The following NR6A1 variants were observed in gnomAD, a reference collection of about 807,000 sequenced individuals.
The protein encoded by NR6A1 is retinoic acid receptor-related testis-associated receptor.
In NR6A1, 7 loss-of-function variants were observed where a neutral mutation model predicts 59.1. That is an observed-to-expected ratio of 0.12 (90% CI 0.07 to 0.22). NR6A1 has a LOEUF of 0.22. Among genes scored for constraint, NR6A1 ranks in the 10% least tolerant of loss-of-function variants. The probability of loss-of-function intolerance (pLI) is 1.00; values close to 1 mark genes in which losing one functional copy is unlikely to be tolerated. For missense variants in NR6A1, 468 were observed against 611.6 expected (o/e 0.77, Z 2.48); for synonymous variants, 243 against 236.1 (o/e 1.03, Z -0.27).
At chr9:124,739,025 C>A (rs1331978237) in intron 1 of NR6A1, among the ~76,000 whole-genome samples, 3 of 145,864 alleles carry the variant, frequency 2.1e-5, no homozygotes, top group Admixed American at 6.8e-5. Flanking sequence ...TACAAAAATA[C>A]AAAAATTAGC....
At chr9:124,745,987 CAAAAAAAAAAA>C (rs755252377) in intron 1 of NR6A1, among the ~76,000 whole-genome samples, 1 of 58,430 alleles carries the variant, frequency 1.7e-5, no homozygotes, top group Non-Finnish European at 3.9e-5. Flanking sequence ...GACTCTGTCT[CAAAAAAAAAAA>C]AAAAAAAAAA....
chr9:124,528,458 T>C (rs1213980981), intron 7 of NR6A1, among the ~76,000 whole-genome samples: 1 of 152,160 alleles, frequency 6.6e-6, no homozygotes, highest in African/African-American at 2.4e-5. Context: ...CCTAGCACCT[T>C]GGGAGGCTGA....
chr9:124,671,853 C>T (rs1837803177), intron 2 of NR6A1, among the ~76,000 whole-genome samples: 1 of 152,156 alleles, frequency 6.6e-6, no homozygotes, highest in African/African-American at 2.4e-5. Flanking sequence ...GTAAAGTGCA[C>T]ACATCTCAAA....
intron 3 of NR6A1, among the ~76,000 whole-genome samples, chr9:124,552,200 T>C (rs1025369408): frequency 6.6e-6 from 1 of 152,114 alleles, no homozygotes; most frequent in Non-Finnish European, 1.5e-5. Context: ...TTTCATAAGA[T>C]ACTCACAGTG....
chr9:124,650,273 A>G (rs1163451929), intron 2 of NR6A1, among the ~76,000 whole-genome samples: 1 of 152,234 alleles, frequency 6.6e-6, no homozygotes, highest in Non-Finnish European at 1.5e-5. Context: ...ATAAAAAAGA[A>G]TAAAATCCCA....
chr9:124,548,270 C>G (rs765183300), intron 3 of NR6A1, among the ~76,000 whole-genome samples: 31 of 152,146 alleles, frequency 2.0e-4, no homozygotes, highest in Non-Finnish European at 4.1e-4. Context: ...TTTCTGTAAG[C>G]TTGAAATTAT....
At chr9:124,543,376 T>C (rs1365640854) in intron 4 of NR6A1, among the ~76,000 whole-genome samples, 1 of 152,188 alleles carries the variant, frequency 6.6e-6, no homozygotes, top group Non-Finnish European at 1.5e-5. Context: ...AGTAAATGTT[T>C]GTGGGATTGA....
At chr9:124,561,750 A>G (rs1447944165) in intron 2 of NR6A1, among the ~76,000 whole-genome samples, 2 of 152,060 alleles carry the variant, frequency 1.3e-5, no homozygotes, top group East Asian at 1.9e-4. Flanking sequence ...TGTCTCTACT[A>G]AAAATACAAA....
At chr9:124,544,129 ACTAGT>A (rs1262878728) in intron 3 of NR6A1, among the ~76,000 whole-genome samples, 1 of 152,252 alleles carries the variant, frequency 6.6e-6, no homozygotes, top group Admixed American at 6.5e-5. Context: ...AGCACTGCTC[ACTAGT>A]CCTTCAGTTA....
intron 2 of NR6A1, among the ~76,000 whole-genome samples, chr9:124,618,496 A>G (rs934041802): frequency 6.6e-6 from 1 of 152,148 alleles, no homozygotes; most frequent in Non-Finnish European, 1.5e-5. Context: ...AAATAAAAAA[A>G]ATAGAATAAA....
intron 2 of NR6A1, among the ~76,000 whole-genome samples, chr9:124,658,196 A>G (rs1837319356): frequency 6.6e-6 from 1 of 152,158 alleles, no homozygotes; most frequent in Admixed American, 6.5e-5. Context: ...AAACAAAAGC[A>G]ACACCTTCAA....
intron 2 of NR6A1, among the ~76,000 whole-genome samples, chr9:124,567,257 C>T (rs1197574149): frequency 1.3e-5 from 2 of 151,882 alleles, no homozygotes; most frequent in Non-Finnish European, 2.9e-5. Context: ...GCTATGGGAA[C>T]AGATCAGAAC....
chr9:124,770,467 T>C (rs1841104268), intron 1 of NR6A1, among the ~76,000 whole-genome samples: 1 of 149,992 alleles, frequency 6.7e-6, no homozygotes, highest in Non-Finnish European at 1.5e-5. Context: ...AGCTGAGCGG[T>C]ACAAGGGTGC....
chr9:124,551,214 C>T (rs1267719955), intron 3 of NR6A1, among the ~76,000 whole-genome samples: 1 of 152,092 alleles, frequency 6.6e-6, no homozygotes. Flanking sequence ...CTCATTGCTC[C>T]TGGGGTATCT....
chr9:124,738,184 G>T (rs1293665534), intron 1 of NR6A1, among the ~76,000 whole-genome samples: 3 of 152,104 alleles, frequency 2.0e-5, no homozygotes, highest in African/African-American at 7.2e-5. Context: ...AACCTGGGAG[G>T]CGGAGGTTGC....
At chr9:124,636,007 C>T (rs1380507440) in intron 2 of NR6A1, among the ~76,000 whole-genome samples, 2 of 152,248 alleles carry the variant, frequency 1.3e-5, no homozygotes, top group Admixed American at 6.5e-5. Flanking sequence ...CTTCCACATC[C>T]TAACATTTGT....
At chr9:124,524,904 T>C (rs1226638707) in intron 8 of NR6A1, 31 bp from the exon 9 acceptor site, 8 of 1,565,342 alleles carry the variant, frequency 5.1e-6, no homozygotes, top group African/African-American at 4.2e-5. Flanking sequence ...CACACACACA[T>C]ACAGGGAATG....
chr9:124,606,447 G>C (rs1381573002), intron 2 of NR6A1, among the ~76,000 whole-genome samples: 1 of 151,522 alleles, frequency 6.6e-6, no homozygotes. Context: ...ATATATGTCT[G>C]ATGGATTAAA....
rs551844326 is a variant in NR6A1 at position 124,637,054 on chromosome 9, G to C, written c.143-82484C>G. Among the ~76,000 whole-genome samples the C allele has an allele frequency of 2.6e-5, 4 of 152,262 alleles. No homozygotes were observed. The East Asian group carries it at 7.7e-4, about 29-fold the overall frequency. On this transcript the variant is annotated intron_variant, in intron 2 of 9. Coordinates refer to ENST00000487099, the MANE Select transcript of NR6A1 (RefSeq NM_033334.4). The stretch of plus-strand genomic sequence containing the variant: ...AAAAGCATCAACAAGGTGCTAATGG[G>C]AACCCGGAGGCAGGAGTGATACATC...
Sources: allele counts gnomAD v4.1 joint callset (sites outside exome capture counted in the v4.1 genomes callset), GRCh38; gene constraint gnomAD v4.1.1; transcripts MANE v1.5; gene names NCBI Gene and HGNC (gene_info 2026-07-23, HGNC 2026-07-21).